Variants in SLC6A9 observed in about 807,000 individuals in gnomAD.
SLC6A9 encodes the protein solute carrier family 6 member 9, also known as sodium- and chloride-dependent glycine transporter 1.
In SLC6A9, 31 loss-of-function variants were observed where a neutral mutation model predicts 70.9. The observed-to-expected ratio is 0.44, with a 90% CI of 0.33 to 0.59. The LOEUF (loss-of-function observed/expected upper bound fraction) is 0.59, where lower values mean the gene tolerates loss of function less well. SLC6A9 is among the 20% of genes least tolerant of loss of function. The pLI is 0.04. For missense variants in SLC6A9, 631 were observed against 845.2 expected (o/e 0.75, Z 3.14); for synonymous variants, 310 against 341.3 (o/e 0.91, Z 1.01).
At chr1:44,019,372 C>G (rs911797370) in intron 2 of SLC6A9, among the ~76,000 whole-genome samples, 1 of 152,234 alleles carries the variant, frequency 6.6e-6, no homozygotes, top group Non-Finnish European at 1.5e-5. Flanking sequence ...TTGGCTCAAG[C>G]AAGTGTCCTA....
chr1:44,003,484 T>C lies in SLC6A9; in HGVS notation c.591-499A>G, dbSNP rs1190828418. Reference sequence around the variant, plus strand: ...GTAAAGATTGGACCCTGGCTGGGTGTGGTGGCTCACACCTGTAATCCCAGC... The same window carrying C: ...GTAAAGATTGGACCCTGGCTGGGTGCGGTGGCTCACACCTGTAATCCCAGC... On this transcript the variant is annotated intron_variant, in intron 5 of 13. Coordinates refer to ENST00000372310, the MANE Select transcript of SLC6A9 (RefSeq NM_001024845.3). Among the ~76,000 whole-genome samples, 5 of 152,252 alleles carry C rather than the reference T, an allele frequency of 3.3e-5. No homozygotes were observed. In the South Asian group the frequency reaches 1.0e-3, roughly 32 times the overall value.
chr1:44,016,958 ACC>A (rs990027885), intron 2 of SLC6A9: 18 of 1,344,540 alleles, frequency 1.3e-5, no homozygotes, highest in Non-Finnish European at 1.7e-5. Context: ...CCTGGCACAG[ACC>A]ACTCAGCCCC....
In SLC6A9 at chr1:44,002,285, C is replaced by A. The variant is rs1571852375; in HGVS notation, c.962+28G>T. 1.3e-6 allele frequency: 2 copies of A among 1,527,440 alleles called. No individual in the cohort carries two copies. The highest frequency in any genetic ancestry group is 1.1e-5 in the South Asian group (1 of 89,326). 94.6% of individuals were successfully genotyped at this position (1,527,440 alleles called of 1,614,324 possible). On this transcript the variant is annotated intron_variant, in intron 8 of 13. Coordinates refer to ENST00000372310, the MANE Select transcript of SLC6A9 (RefSeq NM_001024845.3). This position sits in a 1 kb window ranked among gnomAD's most constrained non-coding sequence, Gnocchi z 5.5. ...GGCTGCAGAGAGTGCAGGAAGGGGGCAGCCTCAGCCCAGCAGGGAGCACTC... is the reference window on the plus strand; with the variant it reads ...GGCTGCAGAGAGTGCAGGAAGGGGGAAGCCTCAGCCCAGCAGGGAGCACTC...
chr1:43,997,744 A>G lies in SLC6A9; in HGVS notation c.1708-5T>C, dbSNP rs772753330. On this transcript the variant is annotated splice_region_variant and splice_polypyrimidine_tract_variant and intron_variant, in intron 13 of 13. Coordinates refer to ENST00000372310, the MANE Select transcript of SLC6A9 (RefSeq NM_001024845.3). This position sits in a 1 kb window ranked among gnomAD's most constrained non-coding sequence, Gnocchi z 4.4. ...CTTTGTGGCATTTTTCAAACGCTGC[A>G]TGAGGTAGGCATGGGGCACAGGGGC... 6.9e-6 allele frequency: 11 copies of G among 1,604,966 alleles called. No homozygotes were observed. In the African/African-American group the frequency reaches 1.3e-4, roughly 20 times the overall value.
intron 2 of SLC6A9, among the ~76,000 whole-genome samples, chr1:44,012,243 A>G (rs1339220577): frequency 3.9e-5 from 6 of 152,268 alleles, no homozygotes; most frequent in African/African-American, 1.2e-4. Context: ...ATGCTGATGA[A>G]CAAACACAGA....
In SLC6A9 at chr1:44,002,705, C is replaced by T; in HGVS notation, c.724-59G>A. On this transcript the variant is annotated intron_variant, in intron 6 of 13. Coordinates refer to ENST00000372310, the MANE Select transcript of SLC6A9 (RefSeq NM_001024845.3). This position sits in a 1 kb window ranked among gnomAD's most constrained non-coding sequence, Gnocchi z 5.5. ...CTCTCCCCTCCCCTGGGCACCACCACCCTGGCTCCCTAATCACCACCAGCC... is the reference window on the plus strand; with the variant it reads ...CTCTCCCCTCCCCTGGGCACCACCATCCTGGCTCCCTAATCACCACCAGCC... 1 of 1,606,168 alleles carries T rather than the reference C, an allele frequency of 6.2e-7. No homozygotes were observed. The highest frequency in any genetic ancestry group is 8.5e-7 in the Non-Finnish European group (1 of 1,173,476).
intron 5 of SLC6A9, among the ~76,000 whole-genome samples, chr1:44,004,921 T>C (rs745352202): frequency 3.3e-5 from 5 of 152,174 alleles, no homozygotes; most frequent in Non-Finnish European, 5.9e-5. Flanking sequence ...CAAATCTTAT[T>C]TCCCCGGCCA....
rs1354590688 is a variant in SLC6A9, at chr1:44,028,787, GAGA to G, written c.-86+2516_-86+2518del. 1.5e-3 allele frequency among the ~76,000 whole-genome samples: 221 copies of G among 148,074 alleles called. 1 individual carries two copies. The highest frequency in any genetic ancestry group is 5.5e-3 in the African/African-American group (208 of 37,776). On this transcript the variant is annotated intron_variant, in intron 1 of 13. Coordinates refer to ENST00000372310, the MANE Select transcript of SLC6A9 (RefSeq NM_001024845.3). ...AAGAAAAAGAAAAAAGAAAGAGAGA[GAGA>G]GAAAGAAAGAAAGGAAGGAAGGAAA...
At chr1:44,017,763 T>G (rs1295733610) in intron 2 of SLC6A9, among the ~76,000 whole-genome samples, 2 of 152,238 alleles carry the variant, frequency 1.3e-5, no homozygotes, top group Non-Finnish European at 2.9e-5. Flanking sequence ...AAGAAAGCCC[T>G]GGCCTAGTGA....
chr1:44,017,182 C>A, intron 2 of SLC6A9: 1 of 1,593,846 alleles, frequency 6.3e-7, no homozygotes, highest in South Asian at 1.1e-5. Context: ...CCCTGCCTCT[C>A]CCACTGCCGG....
At chr1:44,026,531 C>A (rs777824175) in intron 1 of SLC6A9, among the ~76,000 whole-genome samples, 1 of 151,954 alleles carries the variant, frequency 6.6e-6, no homozygotes, top group African/African-American at 2.4e-5. Context: ...TGGTGGTATG[C>A]GCCTGTAGTC....
At position 44,008,457 on chromosome 1, in the gene SLC6A9, G is replaced by A. The variant is rs1487378586; in HGVS notation, c.486C>T (p.Ala162=). The stretch of plus-strand genomic sequence containing the variant: ...GCCGAGAGCCATTGGTGAGGTTGGA[G>A]GCGTCCAGTACACCGGCGCAGTCAT... ...NTHDCAGVLD[A]SNLTNGSRPA... is the part of the protein sequence containing the mutation. The change falls in exon 5 of 14, where the codon GCC becomes GCT. Residue 162 remains alanine (A), a synonymous_variant. Coordinates refer to ENST00000372310, the MANE Select transcript of SLC6A9 (RefSeq NM_001024845.3). 15 of 1,614,174 alleles carry A rather than the reference G, an allele frequency of 9.3e-6. No individual in the cohort carries two copies. The highest frequency in any genetic ancestry group is 1.3e-5 in the Non-Finnish European group (15 of 1,180,002).
chr1:44,015,871 C>CG (rs2086723484), intron 2 of SLC6A9: 4 of 985,414 alleles, frequency 4.1e-6, no homozygotes, highest in Non-Finnish European at 4.8e-6. Context: ...AAATCTCCCC[C>CG]GGGCCGAGCA....
chr1:43,998,895 A>G lies in SLC6A9; in HGVS notation c.1537-870T>C, dbSNP rs1460972329. On this transcript the variant is annotated intron_variant, in intron 12 of 13. Coordinates refer to ENST00000372310, the MANE Select transcript of SLC6A9 (RefSeq NM_001024845.3). Reference sequence around the variant, plus strand: ...AAGAGATGAGTGAGATTGGAAATAAAACTTGTGGCTGCAGTAACAAAAGGA... The same window carrying G: ...AAGAGATGAGTGAGATTGGAAATAAGACTTGTGGCTGCAGTAACAAAAGGA... 2.0e-5 allele frequency among the ~76,000 whole-genome samples: 3 copies of G among 147,742 alleles called. No individual in the cohort carries two copies. The East Asian group carries it at 6.1e-4, about 30-fold the overall frequency.
chr1:44,022,727 T>TC (rs1557695253), intron 2 of SLC6A9, among the ~76,000 whole-genome samples: 2 of 145,670 alleles, frequency 1.4e-5, no homozygotes, highest in Non-Finnish European at 1.5e-5. Flanking sequence ...TCTTTCTTTT[T>TC]TTTTTTTTTG....
rs543393201 is a variant in SLC6A9, at chr1:44,015,940, C to G, written c.31-5058G>C. The G allele has an allele frequency of 1.4e-5, 13 of 909,276 alleles. No homozygotes were observed. In the African/African-American group the frequency reaches 2.3e-4, roughly 16 times the overall value. The allele number at this position is 909,276 out of a possible 1,614,324, so 56.3% of individuals were successfully genotyped here. On this transcript the variant is annotated intron_variant, in intron 2 of 13. Coordinates refer to ENST00000372310, the MANE Select transcript of SLC6A9 (RefSeq NM_001024845.3). ...GGCAAACCTCAGAGCCATCTCTGGG[C>G]ACCTCTCAGGACTCCAGGTGCCTTC... is the stretch of plus-strand genomic sequence containing the variant.
chr1:44,011,689 G>T lies in SLC6A9; in HGVS notation c.31-807C>A, dbSNP rs762753760. On this transcript the variant is annotated intron_variant, in intron 2 of 13. Coordinates refer to ENST00000372310, the MANE Select transcript of SLC6A9 (RefSeq NM_001024845.3). ...GGAGTGGCTCCAGAAAAGGGTGGCAGGAAGAAGGATCTCTGAACAGGGAGA... is the reference window on the plus strand; with the variant it reads ...GGAGTGGCTCCAGAAAAGGGTGGCATGAAGAAGGATCTCTGAACAGGGAGA... 3.7e-6 allele frequency: 6 copies of T among 1,614,116 alleles called. No individual in the cohort carries two copies. Among genetic ancestry groups the T allele is most frequent in the Non-Finnish European group, 5.1e-6 (6 of 1,179,976 alleles).
chr1:44,008,660 A>G (rs761102050), intron 4 of SLC6A9, 37 bp from the exon 5 acceptor site: 1 of 1,563,400 alleles, frequency 6.4e-7, no homozygotes, highest in South Asian at 1.1e-5. Context: ...GAGCCTCAGC[A>G]TCCAGCAGGA....
intron 2 of SLC6A9, among the ~76,000 whole-genome samples, chr1:44,015,252 G>T (rs1487393056): frequency 1.3e-5 from 2 of 152,184 alleles, no homozygotes; most frequent in African/African-American, 4.8e-5. Flanking sequence ...ACAGACTCAG[G>T]GAGCCCAGCT....
Sources: gnomAD v4.1 joint callset for allele counts (sites outside exome capture counted in the v4.1 genomes callset) on GRCh38, gnomAD v4.1.1 for gene constraint, Gnocchi (gnomAD v3.1) non-coding constraint, MANE v1.5 for transcripts, NCBI Gene and HGNC (gene_info 2026-07-23, HGNC 2026-07-21) for gene names.